The following HS3ST3A1 variants were observed in gnomAD, a reference collection of about 807,000 sequenced individuals.
The protein encoded by HS3ST3A1 is heparan sulfate glucosamine 3-O-sulfotransferase 3A1.
Under a neutral mutation model 25.7 loss-of-function variants are expected in HS3ST3A1, and 19 were observed. The ratio of observed to expected loss-of-function variants is 0.74; its 90% CI spans 0.52 to 1.08. The LOEUF is 1.08. Ranked by LOEUF, HS3ST3A1 falls within the 50% of genes least tolerant of loss-of-function variation. The pLI is 0.00. For synonymous variants in HS3ST3A1, 226 were observed against 278.6 expected (o/e 0.81, Z 1.88); for missense variants, 459 against 594.3 (o/e 0.77, Z 2.37).
At position 13,595,085 on chromosome 17, in the gene HS3ST3A1, C is replaced by G. The variant is rs191344447; in HGVS notation, c.599+5446G>C. Among the ~76,000 whole-genome samples the G allele has an allele frequency of 9.7e-3, 1,452 of 148,928 alleles. 10 individuals are homozygous for G. Among genetic ancestry groups the G allele is most frequent in the Non-Finnish European group, 0.015 (1,002 of 66,310 alleles). ...ACTTCATTGTTAATTAAACACTTCC[C>G]CGTCTCTTTTCACATTTATTGTCAT... On this transcript the variant is annotated intron_variant, in intron 1 of 1. Coordinates refer to ENST00000284110, the MANE Select transcript of HS3ST3A1 (RefSeq NM_006042.3).
chr17:13,600,893 C>T lies in HS3ST3A1; in HGVS notation c.237G>A (p.Ala79=), dbSNP rs1244928063. ...TTCTCTGTGCCGCCGCCGGCCACAC[C>T]GCCAGCTCCCTCGGGCCTCCGGCCA... ...GVLAGGPREL[A]VWPAAAQRKR... is the part of the protein sequence containing the mutation. The change falls in exon 1 of 2, where the codon GCG becomes GCA. Residue 79 remains alanine (A), a synonymous_variant. Transcript: ENST00000284110. 9 of 1,502,152 alleles carry T rather than the reference C, an allele frequency of 6.0e-6. No individual in the cohort carries two copies. In the African/African-American group the frequency reaches 1.0e-4, roughly 17 times the overall value. The allele number at this position is 1,502,152 out of a possible 1,614,324, so 93.1% of individuals were successfully genotyped here. A position where few individuals can be genotyped will look rare whatever the true frequency, so the allele number is the denominator to read the frequency against.
chr17:13,592,700 A>G (rs757897981), intron 1 of HS3ST3A1, among the ~76,000 whole-genome samples: 3 of 152,252 alleles, frequency 2.0e-5, no homozygotes, highest in Non-Finnish European at 4.4e-5. Context: ...TGTTTTGCTT[A>G]AGTAAAAATG....
At chr17:13,582,333 T>C (rs1908137798) in intron 1 of HS3ST3A1, among the ~76,000 whole-genome samples, 1 of 152,360 alleles carries the variant, frequency 6.6e-6, no homozygotes, top group East Asian at 1.9e-4. Flanking sequence ...AAAAGTCATA[T>C]GCCCAAATCA....
intron 1 of HS3ST3A1, among the ~76,000 whole-genome samples, chr17:13,501,697 T>C (rs1905481493): frequency 6.6e-6 from 1 of 152,234 alleles, no homozygotes; most frequent in Non-Finnish European, 1.5e-5. Context: ...TGGACTGTAA[T>C]GAAGTGTCAA....
At chr17:13,599,232 T>G (rs1000415276) in intron 1 of HS3ST3A1, among the ~76,000 whole-genome samples, 2 of 152,190 alleles carry the variant, frequency 1.3e-5, no homozygotes, top group Admixed American at 1.3e-4. Context: ...GGGAAGGTTG[T>G]TTGTTTTTTC....
intron 1 of HS3ST3A1, among the ~76,000 whole-genome samples, chr17:13,519,172 A>T (rs529336774): frequency 2.3e-4 from 35 of 152,164 alleles, no homozygotes; most frequent in Non-Finnish European, 4.4e-4. Context: ...GCTTTGATCC[A>T]TTTTCTCTGC....
intron 1 of HS3ST3A1, among the ~76,000 whole-genome samples, chr17:13,562,308 T>C (rs1313102503): frequency 6.6e-6 from 1 of 152,144 alleles, no homozygotes; most frequent in Non-Finnish European, 1.5e-5. Context: ...TCGCTCATTC[T>C]GCAAGAGGCA....
In HS3ST3A1 at chr17:13,601,131, C is replaced by G. The variant is rs780752492; in HGVS notation, c.-2G>C. ...ACTGGCCGGGCCCGGAGGGGCCATC[C>G]TAGCCGGAGGCGACGTCGGGCAACG... On this transcript the variant is annotated 5_prime_UTR_variant, in exon 1 of 2. It removes the in-frame stop codon of an upstream open reading frame in the 5' UTR. Coordinates refer to ENST00000284110, the MANE Select transcript of HS3ST3A1 (RefSeq NM_006042.3). 1.6e-5 allele frequency: 24 copies of G among 1,533,746 alleles called. No homozygotes were observed. Among genetic ancestry groups the G allele is most frequent in the Middle Eastern group, 3.6e-4 (2 of 5,554 alleles).
intron 1 of HS3ST3A1, among the ~76,000 whole-genome samples, chr17:13,525,316 AT>A (rs909849491): frequency 1.7e-4 from 25 of 151,366 alleles, no homozygotes; most frequent in East Asian, 3.9e-4. Context: ...TATTGTCCTA[AT>A]TTTTTTTTCC....
chr17:13,512,734 AT>A (rs1461236593), intron 1 of HS3ST3A1, among the ~76,000 whole-genome samples: 2 of 152,180 alleles, frequency 1.3e-5, no homozygotes, highest in Non-Finnish European at 2.9e-5. Context: ...TTGTAGCATA[AT>A]TAGTATTTTG....
chr17:13,523,602 GA>G (rs1025804208), intron 1 of HS3ST3A1, among the ~76,000 whole-genome samples: 2 of 152,144 alleles, frequency 1.3e-5, no homozygotes, highest in African/African-American at 4.8e-5. Context: ...TCCACACTAA[GA>G]GAGGTTTTCT....
chr17:13,587,951 G>A (rs975994338), intron 1 of HS3ST3A1, among the ~76,000 whole-genome samples: 34 of 152,148 alleles, frequency 2.2e-4, no homozygotes, highest in Non-Finnish European at 4.3e-4. Flanking sequence ...ATTGGATCTT[G>A]AATTGGAGTT....
Position 13,500,484 on chromosome 17 carries a change from A to T in HS3ST3A1, c.600-3666T>A, listed in dbSNP as rs553319918. ...TATGAGGCAGGCTATGGGAGCACGA[A>T]GGTGTGGGCACTGATAAATCACGTG... On this transcript the variant is annotated intron_variant, in intron 1 of 1. Transcript: ENST00000284110. 4.8e-4 allele frequency among the ~76,000 whole-genome samples: 73 copies of T among 152,334 alleles called. 1 individual carries two copies. The highest frequency in any genetic ancestry group is 1.7e-3 in the African/African-American group (72 of 41,576).
At chr17:13,560,597 T>G (rs1344318039) in intron 1 of HS3ST3A1, among the ~76,000 whole-genome samples, 1 of 152,194 alleles carries the variant, frequency 6.6e-6, no homozygotes, top group Non-Finnish European at 1.5e-5. Context: ...ATATAGAGTT[T>G]CTTTTAGTCT....
intron 1 of HS3ST3A1, among the ~76,000 whole-genome samples, chr17:13,517,230 C>T (rs569392514): frequency 3.0e-4 from 45 of 152,208 alleles, no homozygotes; most frequent in Non-Finnish European, 4.4e-4. Context: ...AGTGAATGAA[C>T]GTTATTAATA....
At chr17:13,553,891 A>C (rs1907304672) in intron 1 of HS3ST3A1, among the ~76,000 whole-genome samples, 1 of 152,152 alleles carries the variant, frequency 6.6e-6, no homozygotes, top group South Asian at 2.1e-4. Context: ...ACTTCCCTTA[A>C]AATAACATCC....
chr17:13,543,244 A>G (rs1906986808), intron 1 of HS3ST3A1, among the ~76,000 whole-genome samples: 1 of 152,172 alleles, frequency 6.6e-6, no homozygotes, highest in Non-Finnish European at 1.5e-5. Context: ...CGCAACAAGC[A>G]TTTAAAGTGG....
At chr17:13,562,780 G>C (rs1213381922) in intron 1 of HS3ST3A1, among the ~76,000 whole-genome samples, 1 of 152,110 alleles carries the variant, frequency 6.6e-6, no homozygotes, top group Non-Finnish European at 1.5e-5. Flanking sequence ...AGCTCCAGGA[G>C]CCAGCGTTTA....
At chr17:13,596,558 C>A (rs533680421) in intron 1 of HS3ST3A1, among the ~76,000 whole-genome samples, 1 of 151,862 alleles carries the variant, frequency 6.6e-6, no homozygotes, top group Admixed American at 6.6e-5. Flanking sequence ...CAGCCTGTGA[C>A]CAGGTGGGGA....
Sources: gnomAD v4.1 joint callset for allele counts (sites outside exome capture counted in the v4.1 genomes callset) on GRCh38, gnomAD v4.1.1 for gene constraint, MANE v1.5 for transcripts, NCBI Gene and HGNC (gene_info 2026-07-23, HGNC 2026-07-21) for gene names.